ZNF148: variants seen among roughly 807,000 people sequenced by gnomAD.
ZNF148 encodes zinc finger protein 148.
Under a neutral mutation model 67.7 loss-of-function variants are expected in ZNF148, and 7 were observed. That is an observed-to-expected ratio of 0.10 (90% CI 0.06 to 0.19). The LOEUF (loss-of-function observed/expected upper bound fraction) is 0.19. Among genes scored for constraint, ZNF148 ranks in the 10% least tolerant of loss-of-function variants. The probability of loss-of-function intolerance (pLI) is 1.00; values close to 1 mark genes in which losing one functional copy is unlikely to be tolerated. For missense variants in ZNF148, 583 were observed against 947.1 expected, an observed-to-expected ratio of 0.62 and a Z score of 5.05; for synonymous variants, 333 against 330.7, an observed-to-expected ratio of 1.01 and a Z score of -0.08.
At chr3:125,332,879 C>G (rs1173152481) in intron 1 of ZNF148, among the ~76,000 whole-genome samples, 2 of 152,086 alleles carry the variant, frequency 1.3e-5, no homozygotes, top group Non-Finnish European at 2.9e-5. Flanking sequence ...GTTCACTATT[C>G]TATTAGAATA....
chr3:125,363,452 A>C (rs1331279996), intron 1 of ZNF148, among the ~76,000 whole-genome samples: 1 of 152,186 alleles, frequency 6.6e-6, no homozygotes, highest in Non-Finnish European at 1.5e-5. Flanking sequence ...AAGTGATCTA[A>C]TAATTTCTAC....
chr3:125,356,709 A>C (rs1263262785), intron 1 of ZNF148, among the ~76,000 whole-genome samples: 2 of 152,186 alleles, frequency 1.3e-5, no homozygotes, highest in Non-Finnish European at 2.9e-5. Context: ...AGCTGTTTTA[A>C]ATGCAAGCTG....
At chr3:125,335,011 CTT>C (rs1425539376) in intron 1 of ZNF148, among the ~76,000 whole-genome samples, 1 of 152,182 alleles carries the variant, frequency 6.6e-6, no homozygotes, top group African/African-American at 2.4e-5. Context: ...TAGCTAAAGT[CTT>C]GTTAATGAGG....
intron 1 of ZNF148, among the ~76,000 whole-genome samples, chr3:125,372,731 C>T (rs1287688368): frequency 6.6e-6 from 1 of 152,120 alleles, no homozygotes; most frequent in Non-Finnish European, 1.5e-5. Context: ...ACTTTGGAGG[C>T]CAAGGCGGGT....
chr3:125,329,602 C>T (rs1296969540), intron 2 of ZNF148, among the ~76,000 whole-genome samples: 2 of 151,756 alleles, frequency 1.3e-5, no homozygotes, highest in African/African-American at 4.8e-5. Flanking sequence ...AAGTGATCCA[C>T]CTGCCTTGGC....
At position 125,288,642 on chromosome 3, in the gene ZNF148, A is replaced by C. The variant is rs117995792; in HGVS notation, c.334-414T>G. Among the ~76,000 whole-genome samples, 82 of 152,278 alleles carry C rather than the reference A, an allele frequency of 5.4e-4. 4 individuals are homozygous for C. The East Asian group carries it at 0.013, about 25-fold the overall frequency. ...ACTAGGGAATAAAAGAGGTATTTAG[A>C]CTTCTAGATGGGCTCTGTATTTATA... On this transcript the variant is annotated intron_variant, in intron 4 of 8. Transcript: ENST00000360647.
intron 2 of ZNF148, among the ~76,000 whole-genome samples, chr3:125,327,316 T>C: frequency 6.7e-6 from 1 of 150,120 alleles, no homozygotes. Context: ...TGTCCCACTC[T>C]AAATAAGTGA....
Position 125,234,385 on chromosome 3 carries a change from G to C in ZNF148, c.668-56C>G, listed in dbSNP as rs986407835. 4 of 1,220,512 alleles carry C rather than the reference G, an allele frequency of 3.3e-6. No homozygotes were observed. The African/African-American group carries it at 6.1e-5, about 18-fold the overall frequency. The allele number at this position is 1,220,512 out of a possible 1,614,324, so 75.6% of individuals were successfully genotyped here. A position where few individuals can be genotyped will look rare whatever the true frequency, so the allele number is the denominator to read the frequency against. Reference sequence around the variant, plus strand: ...AACAAATATTGTAAAATAATGAATTGCTTTGCCATAAGAATCTCTAAAATA... The same window carrying C: ...AACAAATATTGTAAAATAATGAATTCCTTTGCCATAAGAATCTCTAAAATA... On this transcript the variant is annotated intron_variant, in intron 7 of 8. Coordinates refer to ENST00000360647, the MANE Select transcript of ZNF148 (RefSeq NM_021964.3).
At chr3:125,322,332 A>G (rs983409930) in intron 3 of ZNF148, among the ~76,000 whole-genome samples, 1 of 151,256 alleles carries the variant, frequency 6.6e-6, no homozygotes, top group African/African-American at 2.4e-5. Context: ...TTTTTTAATG[A>G]AAATAAATCT....
chr3:125,246,421 T>A (rs1936600895), intron 7 of ZNF148, among the ~76,000 whole-genome samples: 1 of 152,232 alleles, frequency 6.6e-6, no homozygotes, highest in Admixed American at 6.5e-5. Flanking sequence ...TACAGCCAGA[T>A]GAGCTGAGTT....
At chr3:125,336,768 C>A (rs567509291) in intron 1 of ZNF148, among the ~76,000 whole-genome samples, 1 of 150,340 alleles carries the variant, frequency 6.7e-6, no homozygotes, top group Admixed American at 6.6e-5. Context: ...CCTCCACCTC[C>A]CAGGTTCAAG....
chr3:125,326,546 A>G (rs1941025209), intron 2 of ZNF148, among the ~76,000 whole-genome samples: 1 of 151,422 alleles, frequency 6.6e-6, no homozygotes, highest in Non-Finnish European at 1.5e-5. Context: ...TTAACACAAA[A>G]GGCAATAGAG....
intron 7 of ZNF148, among the ~76,000 whole-genome samples, chr3:125,250,344 T>C (rs755865944): frequency 2.0e-5 from 3 of 152,164 alleles, no homozygotes; most frequent in Admixed American, 6.5e-5. Flanking sequence ...GTGATGAAAG[T>C]TTTGCCCAGG....
At chr3:125,355,012 A>G (rs1671704170) in intron 1 of ZNF148, among the ~76,000 whole-genome samples, 1 of 152,172 alleles carries the variant, frequency 6.6e-6, no homozygotes, top group Non-Finnish European at 1.5e-5. Context: ...GTAATAAGAG[A>G]CCTGAGCTCT....
At chr3:125,307,319 T>TC (rs1939933847) in intron 4 of ZNF148, among the ~76,000 whole-genome samples, 1 of 152,132 alleles carries the variant, frequency 6.6e-6, no homozygotes, top group African/African-American at 2.4e-5. Context: ...TTTTTTTTTT[T>TC]TTGAGACGGA....
chr3:125,346,094 CA>C (rs934091633), intron 1 of ZNF148, among the ~76,000 whole-genome samples: 1 of 152,148 alleles, frequency 6.6e-6, no homozygotes, highest in African/African-American at 2.4e-5. Flanking sequence ...AAATACTAAC[CA>C]AATCTACCAA....
chr3:125,355,771 C>T (rs977209573), intron 1 of ZNF148, among the ~76,000 whole-genome samples: 2 of 151,742 alleles, frequency 1.3e-5, no homozygotes, highest in African/African-American at 2.4e-5. Flanking sequence ...AAAAGGTACC[C>T]TCTTGTATGA....
chr3:125,318,378 T>C (rs1940618677), intron 3 of ZNF148, among the ~76,000 whole-genome samples: 2 of 152,156 alleles, frequency 1.3e-5, no homozygotes, highest in South Asian at 4.1e-4. Context: ...AGCCAACTGC[T>C]TTCTAATCCA....
intron 7 of ZNF148, among the ~76,000 whole-genome samples, chr3:125,246,253 A>G (rs1936593034): frequency 6.6e-6 from 1 of 152,230 alleles, no homozygotes; most frequent in Non-Finnish European, 1.5e-5. Flanking sequence ...AACATGGCAT[A>G]ATAAACACAC....
Sources: allele counts gnomAD v4.1 joint callset (sites outside exome capture counted in the v4.1 genomes callset), GRCh38; gene constraint gnomAD v4.1.1; transcripts MANE v1.5; gene names NCBI Gene and HGNC (gene_info 2026-07-23, HGNC 2026-07-21).